Variants in CHIA observed in about 807,000 individuals in gnomAD.
The protein encoded by CHIA is acidic mammalian chitinase.
A neutral mutation model predicts 53.5 loss-of-function variants in CHIA; 47 were observed. The ratio of observed to expected loss-of-function variants is 0.88; its 90% CI spans 0.70 to 1.12. The LOEUF (loss-of-function observed/expected upper bound fraction) is 1.12. Ranked by LOEUF, CHIA falls within the 50% of genes most tolerant of loss-of-function variation. The pLI is 0.00. For missense variants in CHIA, 652 were observed against 592.2 expected (o/e 1.10, Z -1.05); for synonymous variants, 268 against 222.2 (o/e 1.21, Z -1.83).
At chr1:111,307,284 G>C (rs1245926741) in intron 1 of CHIA, among the ~76,000 whole-genome samples, 1 of 152,182 alleles carries the variant, frequency 6.6e-6, no homozygotes, top group East Asian at 1.9e-4. Flanking sequence ...TAAGTGAACA[G>C]CTGCTACTTG....
In CHIA at chr1:111,319,453, G is replaced by C; in HGVS notation, c.1162G>C (p.Gly388Arg). 6.2e-7 allele frequency: 1 copy of C among 1,613,884 alleles called. No homozygotes were observed. Among genetic ancestry groups the C allele is most frequent in the Non-Finnish European group, 8.5e-7 (1 of 1,179,958 alleles). ...PLISTLKKAL[G>R]LQSASCTAPA... ...AATCTCCACCCTGAAGAAGGCCCTCGGCCTGCAGAGTGCAAGTAAGTGACT... is the reference window on the plus strand; with the variant it reads ...AATCTCCACCCTGAAGAAGGCCCTCCGCCTGCAGAGTGCAAGTAAGTGACT... The change falls in exon 11 of 12, where the codon GGC becomes CGC. Residue 388 changes from glycine (G) to arginine (R), a missense_variant. Coordinates refer to ENST00000369740, the MANE Select transcript of CHIA (RefSeq NM_201653.4).
At chr1:111,319,287 G>A (rs1393399320) in intron 10 of CHIA, 40 bp from the exon 11 acceptor site, 1 of 1,614,044 alleles carries the variant, frequency 6.2e-7, no homozygotes, top group Non-Finnish European at 8.5e-7. Flanking sequence ...CTGAGTCCCA[G>A]GAAAGCAAGT....
chr1:111,291,495 A>G (rs796519734), intron 1 of CHIA, among the ~76,000 whole-genome samples: 33 of 149,712 alleles, frequency 2.2e-4, no homozygotes, highest in African/African-American at 7.7e-4. Flanking sequence ...GGAACAAGAA[A>G]CACTGGAGCC....
intron 5 of CHIA, 111 bp from the exon 6 acceptor site, chr1:111,315,159 T>A: frequency 1.3e-6 from 1 of 745,002 alleles, no homozygotes; most frequent in South Asian, 1.7e-5. Context: ...TGCTTTACTC[T>A]GGGCTGTGGG....
chr1:111,315,503 T>C, intron 6 of CHIA, 68 bp downstream of exon 6: 1 of 1,534,496 alleles, frequency 6.5e-7, no homozygotes, highest in Non-Finnish European at 8.8e-7. Flanking sequence ...GAGAATTGGG[T>C]GGCTCTAGGG....
chr1:111,311,644 G>T lies in CHIA; in HGVS notation c.26-45G>T. 4 of 1,608,668 alleles carry T rather than the reference G, an allele frequency of 2.5e-6. No individual in the cohort carries two copies. In the South Asian group the frequency reaches 4.4e-5, roughly 18 times the overall value. ...ATCCTTCAGAATTAGATTCTACGGG[G>T]TACAGACAATCGGTTCAAAGTACAT... On this transcript the variant is annotated intron_variant, in intron 2 of 11. Transcript: ENST00000369740.
chr1:111,313,183 TG>T (rs1042579379), intron 4 of CHIA, among the ~76,000 whole-genome samples: 4 of 152,222 alleles, frequency 2.6e-5, no homozygotes, highest in African/African-American at 9.6e-5. Context: ...GTGTAACTGC[TG>T]GATCATATGG....
At chr1:111,303,422 CACAT>C (rs1357404965) in intron 1 of CHIA, among the ~76,000 whole-genome samples, 2 of 152,042 alleles carry the variant, frequency 1.3e-5, no homozygotes, top group Non-Finnish European at 2.9e-5. Flanking sequence ...TACACACACA[CACAT>C]ATACATCTAT....
intron 1 of CHIA, among the ~76,000 whole-genome samples, chr1:111,294,495 C>A (rs907034268): frequency 1.5e-4 from 23 of 152,168 alleles, no homozygotes; most frequent in African/African-American, 5.3e-4. Flanking sequence ...AAGACCACAT[C>A]TGCAGGGACA....
Position 111,320,196 on chromosome 1 carries a change from ACTG to A in CHIA, c.1178-13_1178-11del. 5 of 1,609,826 alleles carry A rather than the reference ACTG, an allele frequency of 3.1e-6. No individual in the cohort carries two copies. The highest frequency in any genetic ancestry group is 3.8e-4 in the Middle Eastern group (2 of 5,286). ...CTCCCAAGCCCACTAGTCTGCTCTT[ACTG>A]CTGTATGTTTCAGGTTGCACGGCTC... On this transcript the variant is annotated splice_polypyrimidine_tract_variant and intron_variant, in intron 11 of 11. Coordinates refer to ENST00000369740, the MANE Select transcript of CHIA (RefSeq NM_201653.4).
intron 4 of CHIA, among the ~76,000 whole-genome samples, chr1:111,314,017 A>C (rs549320296): frequency 3.0e-4 from 46 of 152,238 alleles, no homozygotes; most frequent in Non-Finnish European, 6.0e-4. Flanking sequence ...GTTAGTCCCT[A>C]CTGCAATCCA....
At position 111,320,222 on chromosome 1, in the gene CHIA, C is replaced by T. The variant is rs755685277; in HGVS notation, c.1187C>T (p.Ala396Val). The T allele has an allele frequency of 3.7e-6, 6 of 1,613,492 alleles. No individual in the cohort carries two copies. In the South Asian group the frequency reaches 4.4e-5, roughly 12 times the overall value. The change falls in exon 12 of 12, where the codon GCT becomes GTT. Residue 396 changes from alanine to valine, a missense_variant. Coordinates refer to ENST00000369740, the MANE Select transcript of CHIA (RefSeq NM_201653.4). ...CTGCTGTATGTTTCAGGTTGCACGG[C>T]TCCAGCTCAGCCCATTGAGCCAATA... ...ALGLQSASCTAPAQPIEPITA... is the reference protein window; with the variant it reads ...ALGLQSASCTVPAQPIEPITA...
intron 4 of CHIA, among the ~76,000 whole-genome samples, chr1:111,313,324 T>A (rs1292380524): frequency 6.6e-6 from 1 of 152,192 alleles, no homozygotes; most frequent in Non-Finnish European, 1.5e-5. Flanking sequence ...TTACCTTTCA[T>A]CTTTTTGATA....
chr1:111,318,817 A>G, intron 9 of CHIA, 139 bp downstream of exon 9: 1 of 938,788 alleles, frequency 1.1e-6, no homozygotes, highest in Non-Finnish European at 1.6e-6. Flanking sequence ...TTTAAATAGC[A>G]TTCATTTACA....
chr1:111,315,065 G>GA lies in CHIA; in HGVS notation c.315-204dup. 1.1e-5 allele frequency: 6 copies of GA among 527,146 alleles called. No individual in the cohort carries two copies. In the South Asian group the frequency reaches 1.6e-4, roughly 14 times the overall value. The allele number at this position is 527,146 out of a possible 1,614,324, so 32.7% of individuals were successfully genotyped here. On this transcript the variant is annotated intron_variant, in intron 5 of 11. Coordinates refer to ENST00000369740, the MANE Select transcript of CHIA (RefSeq NM_201653.4). ...TTGGGAGAAAGAGCAGAGTTGGGGG[G>GA]ATAACAGAATAAAGGGAATGTTAAG...
At position 111,315,317 on chromosome 1, in the gene CHIA, C is replaced by A. The variant is rs752615254; in HGVS notation, c.362C>A (p.Thr121Asn). 16 of 1,613,136 alleles carry A rather than the reference C, an allele frequency of 9.9e-6. No individual in the cohort carries two copies. Among genetic ancestry groups the A allele is most frequent in the Middle Eastern group, 1.8e-4 (1 of 5,506 alleles). ...CCTGAGAACCGCCAGACTTTCATCACCTCAGTCATCAAATTCCTGCGCCAG... is the reference window on the plus strand; with the variant it reads ...CCTGAGAACCGCCAGACTTTCATCAACTCAGTCATCAAATTCCTGCGCCAG... The part of the protein sequence containing the change: ...STPENRQTFI[T>N]SVIKFLRQYE... The change falls in exon 6 of 12, where the codon ACC becomes AAC. Residue 121 changes from threonine (T) to asparagine (N), a missense_variant. By Grantham distance (65) the Thr-to-Asn change is moderately conservative. Coordinates refer to ENST00000369740, the MANE Select transcript of CHIA (RefSeq NM_201653.4).
At chr1:111,293,303 T>C (rs1661138355) in intron 1 of CHIA, among the ~76,000 whole-genome samples, 1 of 152,240 alleles carries the variant, frequency 6.6e-6, no homozygotes, top group South Asian at 2.1e-4. Context: ...TGTCTCATTG[T>C]AGATTTGATA....
Position 111,319,455 on chromosome 1 carries a change from C to T in CHIA, c.1164C>T (p.Gly388=), listed in dbSNP as rs776886953. 1 of 1,613,906 alleles carries T rather than the reference C, an allele frequency of 6.2e-7. No individual in the cohort carries two copies. Among genetic ancestry groups the T allele is most frequent in the Admixed American group, 1.7e-5 (1 of 60,024 alleles). ...TCTCCACCCTGAAGAAGGCCCTCGG[C>T]CTGCAGAGTGCAAGTAAGTGACTGA... ...PLISTLKKAL[G]LQSASCTAPA... is the part of the protein sequence containing the mutation. Residue 388 remains glycine, a synonymous_variant, in exon 11 of 12, where the codon GGC becomes GGT. Transcript: ENST00000369740.
At chr1:111,306,062 T>A (rs78669664) in intron 1 of CHIA, among the ~76,000 whole-genome samples, 4 of 152,194 alleles carry the variant, frequency 2.6e-5, no homozygotes, top group Admixed American at 2.6e-4. Context: ...TATGAAACTT[T>A]ATTAACAGAC....
Sources: gnomAD v4.1 joint callset for allele counts (sites outside exome capture counted in the v4.1 genomes callset) on GRCh38, gnomAD v4.1.1 for gene constraint, MANE v1.5 for transcripts, NCBI Gene and HGNC (gene_info 2026-07-23, HGNC 2026-07-21) for gene names.